Variants in AGBL1 observed in about 807,000 individuals in gnomAD.
AGBL1 encodes AGBL carboxypeptidase 1, also known as cytosolic carboxypeptidase 4.
In AGBL1, 130 loss-of-function variants were observed where a neutral mutation model predicts 118.9. The observed-to-expected ratio is 1.09, with a 90% CI of 0.95 to 1.26. The LOEUF (loss-of-function observed/expected upper bound fraction) is 1.26. Among genes scored for constraint, AGBL1 ranks in the 50% most tolerant of loss-of-function variants. The pLI, the probability that AGBL1 is intolerant of heterozygous loss-of-function variation, is 0.00. For missense variants in AGBL1, 1,584 were observed against 1,298.1 expected, an observed-to-expected ratio of 1.22 and a Z score of -3.38; for synonymous variants, 555 against 478.9, an observed-to-expected ratio of 1.16 and a Z score of -2.08.
rs773358338 is a variant in AGBL1, at chr15:86,264,544, A to G, written c.1373A>G (p.Asp458Gly). 1 of 1,614,046 alleles carries G rather than the reference A, an allele frequency of 6.2e-7. No individual in the cohort carries two copies. ...RRDSSESEIP[D>G]IQASPKADAW... ...GATTCTTCTGAAAGTGAAATCCCTG[A>G]CATTCAGGCTTCCCCGAAAGCAGAT... Residue 458 changes from aspartate to glycine, a missense_variant, in exon 11 of 23, where the codon GAC becomes GGC. By Grantham distance (94) the Asp-to-Gly change is moderately conservative. Transcript: ENST00000614907.
intron 17 of AGBL1, among the ~76,000 whole-genome samples, chr15:86,371,959 G>T (rs1317133456): frequency 6.6e-6 from 1 of 152,142 alleles, no homozygotes; most frequent in Non-Finnish European, 1.5e-5. Context: ...TTCCATCTGG[G>T]GCGGGGGTAC....
At chr15:86,385,058 T>G (rs1376626125) in intron 17 of AGBL1, among the ~76,000 whole-genome samples, 1 of 152,140 alleles carries the variant, frequency 6.6e-6, no homozygotes, top group East Asian at 1.9e-4. Context: ...ACGAGCCTCC[T>G]GAGGCTATTG....
chr15:86,930,677 AT>A (rs1405960443), intron 23 of AGBL1, among the ~76,000 whole-genome samples: 1 of 152,172 alleles, frequency 6.6e-6, no homozygotes, highest in Non-Finnish European at 1.5e-5. Flanking sequence ...CATGAAAAAA[AT>A]GATAAAAAAG....
At chr15:86,807,163 G>C (rs957245068) in intron 22 of AGBL1, among the ~76,000 whole-genome samples, 4 of 152,126 alleles carry the variant, frequency 2.6e-5, no homozygotes, top group Admixed American at 1.3e-4. Flanking sequence ...AGATAGAACA[G>C]AGCTGCTCAG....
intron 17 of AGBL1, among the ~76,000 whole-genome samples, chr15:86,337,041 G>A (rs2080381595): frequency 6.6e-6 from 1 of 152,212 alleles, no homozygotes; most frequent in Non-Finnish European, 1.5e-5. Flanking sequence ...ATGGGGACAA[G>A]AATTAGCATC....
chr15:86,404,602 T>C (rs1371055429), intron 18 of AGBL1, among the ~76,000 whole-genome samples: 1 of 152,204 alleles, frequency 6.6e-6, no homozygotes, highest in East Asian at 1.9e-4. Flanking sequence ...GAGGACTGAT[T>C]AGTAAGTATG....
chr15:86,772,248 G>A (rs1481611558), intron 22 of AGBL1, among the ~76,000 whole-genome samples: 1 of 151,930 alleles, frequency 6.6e-6, no homozygotes, highest in East Asian at 1.9e-4. Flanking sequence ...CCCATCACTT[G>A]ATTTAGTCCT....
chr15:86,868,178 A>C (rs982603110), intron 22 of AGBL1, among the ~76,000 whole-genome samples: 4 of 152,232 alleles, frequency 2.6e-5, no homozygotes, highest in African/African-American at 9.6e-5. Flanking sequence ...CATGAAAAAA[A>C]ACATGAAAAA....
intron 23 of AGBL1, among the ~76,000 whole-genome samples, chr15:86,938,366 G>A (rs1254347168): frequency 6.6e-6 from 1 of 152,128 alleles, no homozygotes; most frequent in Admixed American, 6.5e-5. Context: ...GGAGAGGAAG[G>A]CCACAAAAAT....
rs189031632 is a variant in AGBL1 at position 86,227,297 on chromosome 15, T to C, written c.526+2346T>C. Among the ~76,000 whole-genome samples, 7 of 152,402 alleles carry C rather than the reference T, an allele frequency of 4.6e-5. No homozygotes were observed. The East Asian group carries it at 1.3e-3, about 29-fold the overall frequency. ...GGATGTATAGCCTATTTGCTAATTCTGCTGAGCTGTCTATACATCTTTGGT... is the reference window on the plus strand; with the variant it reads ...GGATGTATAGCCTATTTGCTAATTCCGCTGAGCTGTCTATACATCTTTGGT... On this transcript the variant is annotated intron_variant, in intron 6 of 22. Coordinates refer to ENST00000614907, the MANE Select transcript of AGBL1 (RefSeq NM_001386094.1).
intron 15 of AGBL1, among the ~76,000 whole-genome samples, chr15:86,275,660 C>G (rs997149833): frequency 6.6e-6 from 1 of 152,158 alleles, no homozygotes; most frequent in Admixed American, 6.5e-5. Context: ...GCAGATCCTT[C>G]CAAAGATAAA....
At chr15:86,564,733 C>T (rs1469455621) in intron 21 of AGBL1, among the ~76,000 whole-genome samples, 1 of 152,194 alleles carries the variant, frequency 6.6e-6, no homozygotes, top group Admixed American at 6.5e-5. Context: ...TGTTTTCCAA[C>T]TTGGTTCCAT....
intron 18 of AGBL1, among the ~76,000 whole-genome samples, chr15:86,508,664 C>T (rs1275647376): frequency 6.6e-6 from 1 of 151,744 alleles, no homozygotes; most frequent in East Asian, 1.9e-4. Context: ...ATTGATGATC[C>T]AATTAGTCTC....
chr15:86,970,447 G>A (rs1017078942), intron 23 of AGBL1, among the ~76,000 whole-genome samples: 1 of 151,786 alleles, frequency 6.6e-6, no homozygotes, highest in Admixed American at 6.6e-5. Flanking sequence ...CATAACCATT[G>A]GTTGAAGTCT....
chr15:86,340,730 T>A (rs1476265710), intron 17 of AGBL1, among the ~76,000 whole-genome samples: 1 of 152,202 alleles, frequency 6.6e-6, no homozygotes, highest in African/African-American at 2.4e-5. Context: ...CCTCTATACC[T>A]ATCTGGTAGA....
chr15:86,274,952 CA>C (rs1355252816), intron 15 of AGBL1, among the ~76,000 whole-genome samples: 1 of 152,178 alleles, frequency 6.6e-6, no homozygotes, highest in Non-Finnish European at 1.5e-5. Flanking sequence ...TGCTCTTCCC[CA>C]CCTTGATGAC....
chr15:86,575,696 C>A (rs1441325795), intron 21 of AGBL1, among the ~76,000 whole-genome samples: 1 of 151,792 alleles, frequency 6.6e-6, no homozygotes, highest in Non-Finnish European at 1.5e-5. Flanking sequence ...CTCAAGTGAT[C>A]CTCCTGCCTC....
At chr15:86,755,221 C>T (rs1279873779) in intron 22 of AGBL1, among the ~76,000 whole-genome samples, 1 of 152,016 alleles carries the variant, frequency 6.6e-6, no homozygotes, top group Non-Finnish European at 1.5e-5. Context: ...GGGTGGATGA[C>T]CTAATGTTTT....
intron 18 of AGBL1, among the ~76,000 whole-genome samples, chr15:86,484,480 G>T (rs1046892395): frequency 1.4e-4 from 21 of 152,088 alleles, no homozygotes; most frequent in African/African-American, 4.6e-4. Flanking sequence ...AAATGCAAGG[G>T]ATCAGTTATG....
Sources: allele counts gnomAD v4.1 joint callset (sites outside exome capture counted in the v4.1 genomes callset), GRCh38; gene constraint gnomAD v4.1.1; transcripts MANE v1.5; gene names NCBI Gene and HGNC (gene_info 2026-07-23, HGNC 2026-07-21).